The following TEC variants were observed in gnomAD, a reference collection of about 807,000 sequenced individuals.
The protein encoded by TEC is tec protein tyrosine kinase.
TEC carries 72 observed loss-of-function variants against 93.0 expected under a neutral mutation model. The ratio of observed to expected loss-of-function variants is 0.77; its 90% CI spans 0.64 to 0.94. TEC has a LOEUF of 0.94. TEC is among the 40% of genes least tolerant of loss of function. The pLI, the probability that TEC is intolerant of heterozygous loss-of-function variation, is 0.00. For missense variants in TEC, 630 were observed against 757.9 expected, an observed-to-expected ratio of 0.83 and a Z score of 1.98; for synonymous variants, 249 against 247.7, an observed-to-expected ratio of 1.01 and a Z score of -0.05.
Position 48,145,449 on chromosome 4 carries a change from T to C in TEC, c.1212A>G (p.Ala404=), listed in dbSNP as rs753872816. The change falls in exon 13 of 18, where the codon GCA becomes GCG. Residue 404 remains alanine (A), a synonymous_variant. Transcript: ENST00000381501. ...KVAIKAIREG[A]MCEEDFIEEA... ...CTTCTATAAAGTCCTCCTCGCACAT[T>C]GCACCTTCCCGAATAGCTTTGATTG... 1.2e-6 allele frequency: 2 copies of C among 1,614,178 alleles called. No homozygotes were observed. The highest frequency in any genetic ancestry group is 3.3e-5 in the Admixed American group (2 of 60,004).
chr4:48,197,517 C>T (rs561094356), intron 2 of TEC, among the ~76,000 whole-genome samples: 1 of 152,302 alleles, frequency 6.6e-6, no homozygotes, highest in East Asian at 1.9e-4. Context: ...GGCACTGTGA[C>T]CTTCCTTGTT....
chr4:48,238,088 T>C (rs1031486986), intron 1 of TEC, among the ~76,000 whole-genome samples: 2 of 152,158 alleles, frequency 1.3e-5, no homozygotes, highest in South Asian at 2.1e-4. Flanking sequence ...GGGGATTAAA[T>C]AGCAGAAATA....
chr4:48,185,683 A>G (rs1337867811), intron 2 of TEC, among the ~76,000 whole-genome samples: 1 of 152,256 alleles, frequency 6.6e-6, no homozygotes, highest in African/African-American at 2.4e-5. Flanking sequence ...TAATATATAC[A>G]TAAGCATGGC....
chr4:48,173,802 C>T (rs1044225104), intron 3 of TEC, among the ~76,000 whole-genome samples: 1 of 152,138 alleles, frequency 6.6e-6, no homozygotes. Context: ...GACATGCCAG[C>T]TCCTGGGGAT....
chr4:48,167,794 C>T lies in TEC; in HGVS notation c.655G>A (p.Ala219Thr). The T allele has an allele frequency of 6.2e-7, 1 of 1,613,712 alleles. No homozygotes were observed. Among genetic ancestry groups the T allele is most frequent in the Non-Finnish European group, 8.5e-7 (1 of 1,179,740 alleles). ...LEKNDVHWWR[A>T]RDKYGNEGYI... ...AATACTTACCCATATTTATCTCTTGCTCTCCACCAATGAACATCATTCTTT... is the reference window on the plus strand; with the variant it reads ...AATACTTACCCATATTTATCTCTTGTTCTCCACCAATGAACATCATTCTTT... Residue 219 changes from alanine (A) to threonine (T), a missense_variant, in exon 7 of 18, where the codon GCA becomes ACA. Coordinates refer to ENST00000381501, the MANE Select transcript of TEC (RefSeq NM_003215.3).
intron 2 of TEC, among the ~76,000 whole-genome samples, chr4:48,186,733 C>G (rs887922277): frequency 6.6e-6 from 1 of 151,616 alleles, no homozygotes; most frequent in African/African-American, 2.4e-5. Context: ...GGGCAGCCCC[C>G]GCCCGGTCAG....
intron 2 of TEC, among the ~76,000 whole-genome samples, chr4:48,193,480 C>T (rs1176621303): frequency 1.3e-5 from 2 of 152,114 alleles, no homozygotes; most frequent in African/African-American, 4.8e-5. Context: ...TACTGCTGCA[C>T]ATAGTAATAC....
At chr4:48,169,516 T>A (rs1239641053) in intron 5 of TEC, among the ~76,000 whole-genome samples, 2 of 152,086 alleles carry the variant, frequency 1.3e-5, no homozygotes, top group Non-Finnish European at 2.9e-5. Context: ...GAGAAGGTCA[T>A]CTGATCTGGC....
intron 7 of TEC, among the ~76,000 whole-genome samples, chr4:48,164,938 G>A (rs548443228): frequency 6.6e-6 from 1 of 152,214 alleles, no homozygotes; most frequent in African/African-American, 2.4e-5. Context: ...AGGAGGCGGA[G>A]GTTGAAATGA....
chr4:48,233,102 GGA>G (rs1723691631), intron 1 of TEC, among the ~76,000 whole-genome samples: 1 of 152,124 alleles, frequency 6.6e-6, no homozygotes, highest in African/African-American at 2.4e-5. Context: ...GCTGCAGCTG[GGA>G]ATACCACACT....
chr4:48,260,127 T>C (rs1724459975), intron 1 of TEC, among the ~76,000 whole-genome samples: 1 of 152,230 alleles, frequency 6.6e-6, no homozygotes, highest in Admixed American at 6.5e-5. Context: ...CTTCTAGTTT[T>C]ATCTGACCTA....
At chr4:48,242,334 C>T (rs544087954) in intron 1 of TEC, among the ~76,000 whole-genome samples, 3 of 152,306 alleles carry the variant, frequency 2.0e-5, no homozygotes, top group African/African-American at 7.2e-5. Flanking sequence ...TAATATTTGG[C>T]CTGATCTAGC....
intron 8 of TEC, among the ~76,000 whole-genome samples, chr4:48,157,874 A>AG (rs1403306338): frequency 6.6e-6 from 1 of 152,088 alleles, no homozygotes; most frequent in Admixed American, 6.6e-5. Flanking sequence ...TAACCACCTC[A>AG]TCCTCAGAGA....
At chr4:48,148,978 T>A (rs1489548660) in intron 11 of TEC, among the ~76,000 whole-genome samples, 1 of 152,180 alleles carries the variant, frequency 6.6e-6, no homozygotes, top group Non-Finnish European at 1.5e-5. Context: ...TCCAGCTCCA[T>A]CCATGTCCCT....
chr4:48,195,037 T>C (rs1297396082), intron 2 of TEC, among the ~76,000 whole-genome samples: 1 of 152,236 alleles, frequency 6.6e-6, no homozygotes, highest in Non-Finnish European at 1.5e-5. Context: ...TGTTGATATT[T>C]AAGAGTGTGG....
chr4:48,190,157 A>C (rs983160549), intron 2 of TEC, among the ~76,000 whole-genome samples: 2 of 152,168 alleles, frequency 1.3e-5, no homozygotes, highest in Non-Finnish European at 2.9e-5. Flanking sequence ...CTGACTGGAG[A>C]CTTGTTCAAT....
intron 3 of TEC, among the ~76,000 whole-genome samples, chr4:48,175,780 A>G (rs960888055): frequency 2.0e-5 from 3 of 152,176 alleles, no homozygotes; most frequent in Non-Finnish European, 4.4e-5. Context: ...ATATATGTCT[A>G]ATATTATTTT....
intron 4 of TEC, 150 bp downstream of exon 4, chr4:48,171,218 C>T (rs991081197): frequency 2.5e-5 from 16 of 640,946 alleles, no homozygotes; most frequent in Middle Eastern, 4.5e-4. Flanking sequence ...GCTGGTATAA[C>T]TTACAACAAC....
chr4:48,198,166 C>G (rs751509265), intron 2 of TEC, among the ~76,000 whole-genome samples: 1 of 152,216 alleles, frequency 6.6e-6, no homozygotes, highest in Non-Finnish European at 1.5e-5. Flanking sequence ...GAACCAGTGG[C>G]TGCAGCTGCC....
Sources: gnomAD v4.1 joint callset for allele counts (sites outside exome capture counted in the v4.1 genomes callset) on GRCh38, gnomAD v4.1.1 for gene constraint, MANE v1.5 for transcripts, NCBI Gene and HGNC (gene_info 2026-07-23, HGNC 2026-07-21) for gene names.